CHODL: variants seen among roughly 807,000 people sequenced by gnomAD.
CHODL encodes chondrolectin.
A neutral mutation model predicts 34.5 loss-of-function variants in CHODL; 29 were observed. The ratio of observed to expected loss-of-function variants is 0.84; its 90% CI spans 0.63 to 1.15. The LOEUF (loss-of-function observed/expected upper bound fraction) is 1.15. CHODL is among the 50% of genes most tolerant of loss of function. CHODL has a pLI of 0.00. For missense variants in CHODL, 332 were observed against 332.5 expected, an observed-to-expected ratio of 1.00 and a Z score of 0.01; for synonymous variants, 125 against 116.1, an observed-to-expected ratio of 1.08 and a Z score of -0.49.
chr21:18,059,729 C>A (rs1293081321), intron 2 of CHODL, among the ~76,000 whole-genome samples: 1 of 152,136 alleles, frequency 6.6e-6, no homozygotes, highest in Non-Finnish European at 1.5e-5. Context: ...CTGTTAGCCT[C>A]ACCAAACTGA....
intron 2 of CHODL, among the ~76,000 whole-genome samples, chr21:18,229,136 A>T (rs1450111736): frequency 6.6e-6 from 1 of 152,216 alleles, no homozygotes; most frequent in Admixed American, 6.6e-5. Context: ...TGGAGCATAT[A>T]AAATATATAA....
chr21:18,193,566 CA>C (rs913073641), intron 2 of CHODL, among the ~76,000 whole-genome samples: 6 of 151,604 alleles, frequency 4.0e-5, no homozygotes, highest in African/African-American at 1.2e-4. Flanking sequence ...CATGGTGGCC[CA>C]TGCCTGTAAT....
chr21:17,923,449 C>T (rs2146311368), intron 1 of CHODL, among the ~76,000 whole-genome samples: 1 of 150,510 alleles, frequency 6.6e-6, no homozygotes, highest in South Asian at 2.1e-4. Flanking sequence ...ATAACATTTT[C>T]CCTAATTCTT....
At chr21:18,212,216 G>A (rs1273399626) in intron 2 of CHODL, among the ~76,000 whole-genome samples, 4 of 152,006 alleles carry the variant, frequency 2.6e-5, no homozygotes, top group Non-Finnish European at 5.9e-5. Context: ...TTAACGAATA[G>A]CATGACTTTT....
intron 2 of CHODL, among the ~76,000 whole-genome samples, chr21:18,032,281 G>T (rs197520): frequency 1.4e-4 from 22 of 151,930 alleles, no homozygotes; most frequent in African/African-American, 5.1e-4. Flanking sequence ...GTATTTATCC[G>T]TTATTCAATA....
chr21:18,131,446 C>A (rs148947829), intron 2 of CHODL, among the ~76,000 whole-genome samples: 2 of 152,042 alleles, frequency 1.3e-5, no homozygotes, highest in African/African-American at 4.8e-5. Flanking sequence ...TTTCAATTTA[C>A]GAACATTTTG....
At chr21:18,211,919 A>C (rs2073778999) in intron 2 of CHODL, among the ~76,000 whole-genome samples, 1 of 152,158 alleles carries the variant, frequency 6.6e-6, no homozygotes, top group Admixed American at 6.5e-5. Flanking sequence ...AATATATGAG[A>C]GTCTATCTAT....
chr21:18,201,897 C>T (rs1027714344), intron 2 of CHODL, among the ~76,000 whole-genome samples: 47 of 151,250 alleles, frequency 3.1e-4, no homozygotes, highest in African/African-American at 1.1e-3. Flanking sequence ...CTCCGCCTCC[C>T]GGGTTCCCGC....
intron 1 of CHODL, among the ~76,000 whole-genome samples, chr21:18,253,046 A>C (rs2074276631): frequency 6.6e-6 from 1 of 152,130 alleles, no homozygotes; most frequent in Admixed American, 6.5e-5. Context: ...GTATGAACTA[A>C]CATAATGGTG....
chr21:18,109,562 C>T (rs1033902030), intron 2 of CHODL, among the ~76,000 whole-genome samples: 5 of 152,126 alleles, frequency 3.3e-5, no homozygotes, highest in Non-Finnish European at 7.4e-5. Flanking sequence ...TTGGTCAAGA[C>T]TTCAGCTGTA....
intron 1 of CHODL, among the ~76,000 whole-genome samples, chr21:18,020,267 C>G (rs1295960101): frequency 4.6e-5 from 7 of 152,038 alleles, no homozygotes; most frequent in African/African-American, 1.2e-4. Flanking sequence ...CCATCTAGGG[C>G]ATCAATCTGC....
intron 2 of CHODL, among the ~76,000 whole-genome samples, chr21:18,124,442 C>T (rs1393447849): frequency 6.6e-6 from 1 of 152,144 alleles, no homozygotes; most frequent in Non-Finnish European, 1.5e-5. Context: ...CTTCTTGTAT[C>T]TGTGCTCTGA....
intron 2 of CHODL, among the ~76,000 whole-genome samples, chr21:18,080,702 A>G (rs1479824497): frequency 6.6e-6 from 1 of 151,880 alleles, no homozygotes; most frequent in Non-Finnish European, 1.5e-5. Flanking sequence ...GACTATTTTT[A>G]TTTTTATACT....
chr21:18,153,011 G>C (rs2072990036), intron 2 of CHODL, among the ~76,000 whole-genome samples: 1 of 152,156 alleles, frequency 6.6e-6, no homozygotes, highest in Non-Finnish European at 1.5e-5. Flanking sequence ...CTTGAATGCA[G>C]CAGCCTAGAC....
rs2074217607 is a variant in CHODL at position 18,250,157 on chromosome 21, G to T, written c.79+4855G>T. 2.0e-5 allele frequency among the ~76,000 whole-genome samples: 3 copies of T among 152,080 alleles called. No individual in the cohort carries two copies. The South Asian group carries it at 6.2e-4, about 31-fold the overall frequency. On this transcript the variant is annotated intron_variant, in intron 1 of 5. Transcript: ENST00000299295. ...ACTGGTCTCATTATTTAAGTAAGAAGACTGAGGCCAGGGGTGATTAAATAA... is the reference window on the plus strand; with the variant it reads ...ACTGGTCTCATTATTTAAGTAAGAATACTGAGGCCAGGGGTGATTAAATAA...
At position 18,069,793 on chromosome 21, in the gene CHODL, A is replaced by G. The variant is rs186905834; in HGVS notation, c.-45+41822A>G. Among the ~76,000 whole-genome samples the G allele has an allele frequency of 2.0e-5, 3 of 152,120 alleles. No individual in the cohort carries two copies. The East Asian group carries it at 5.8e-4, about 29-fold the overall frequency. Reference sequence around the variant, plus strand: ...TACTTTTTATTTTTAAATTTTTTGTAAAGACAGAGTCTTGCTGTGTTGCCC... The same window carrying G: ...TACTTTTTATTTTTAAATTTTTTGTGAAGACAGAGTCTTGCTGTGTTGCCC... On this transcript the variant is annotated intron_variant, in intron 2 of 6. Transcript: ENST00000400127.
At chr21:18,078,380 G>A (rs997486269) in intron 2 of CHODL, among the ~76,000 whole-genome samples, 4 of 152,046 alleles carry the variant, frequency 2.6e-5, no homozygotes, top group African/African-American at 9.7e-5. Context: ...AACATCATGG[G>A]AAAACCTGTC....
At chr21:18,244,264 G>A (rs766189913), upstream of CHODL, among the ~76,000 whole-genome samples, 202 of 152,228 alleles carry the variant, frequency 1.3e-3, 5 homozygotes, top group Non-Finnish European at 1.4e-3. Flanking sequence ...AACACTGAGA[G>A]TGAAATCAGT....
Position 18,008,375 on chromosome 21 carries a change from T to C in CHODL, c.-144-19497T>C, listed in dbSNP as rs144668199. 2.3e-3 allele frequency among the ~76,000 whole-genome samples: 350 copies of C among 152,138 alleles called. 2 individuals are homozygous for C. Among genetic ancestry groups the C allele is most frequent in the Middle Eastern group, 0.01 (3 of 294 alleles). Reference sequence around the variant, plus strand: ...ACATTAAATCTACCCTCTTAACATATCATAAAGTGCACAATATTGTTAATT... The same window carrying C: ...ACATTAAATCTACCCTCTTAACATACCATAAAGTGCACAATATTGTTAATT... On this transcript the variant is annotated intron_variant, in intron 1 of 6. Coordinates refer to the CHODL transcript ENST00000400127.
Sources: allele counts gnomAD v4.1 joint callset (sites outside exome capture counted in the v4.1 genomes callset), GRCh38; gene constraint gnomAD v4.1.1; transcripts MANE v1.5; gene names NCBI Gene and HGNC (gene_info 2026-07-23, HGNC 2026-07-21).